The following XYLT1 variants were observed in gnomAD, a reference collection of about 807,000 sequenced individuals.
XYLT1 encodes the protein xylosyltransferase 1, also known as beta-D-xylosyltransferase 1.
In XYLT1, 36 loss-of-function variants were observed where a neutral mutation model predicts 91.3. The ratio of observed to expected loss-of-function variants is 0.39; its 90% CI spans 0.30 to 0.52. XYLT1 has a LOEUF of 0.52. XYLT1 is among the 20% of genes least tolerant of loss of function. XYLT1 has a pLI of 0.68. For synonymous variants in XYLT1, 588 were observed against 532.0 expected (o/e 1.11, Z -1.45); for missense variants, 1,242 against 1,284.5 (o/e 0.97, Z 0.51).
At chr16:17,406,873 G>C (rs914773781) in intron 1 of XYLT1, among the ~76,000 whole-genome samples, 1 of 152,180 alleles carries the variant, frequency 6.6e-6, no homozygotes, top group Non-Finnish European at 1.5e-5. Context: ...ATGAGGCCCT[G>C]GGTTGGGTGT....
chr16:17,160,393 T>C (rs542190656), intron 5 of XYLT1, among the ~76,000 whole-genome samples: 1 of 152,308 alleles, frequency 6.6e-6, no homozygotes, highest in East Asian at 1.9e-4. Context: ...CCTGCGCCTC[T>C]GCAGTCTCGC....
At chr16:17,435,279 C>T (rs1173340374) in intron 1 of XYLT1, among the ~76,000 whole-genome samples, 1 of 152,144 alleles carries the variant, frequency 6.6e-6, no homozygotes, top group Non-Finnish European at 1.5e-5. Flanking sequence ...AAATAGACTC[C>T]AAAGCAGAAA....
intron 1 of XYLT1, among the ~76,000 whole-genome samples, chr16:17,425,817 C>A (rs1292282266): frequency 1.3e-5 from 2 of 152,144 alleles, no homozygotes; most frequent in Non-Finnish European, 1.5e-5. Context: ...CTACCAAATA[C>A]CTTAAATACA....
intron 1 of XYLT1, among the ~76,000 whole-genome samples, chr16:17,407,084 C>A (rs981734878): frequency 2.0e-5 from 3 of 152,178 alleles, no homozygotes; most frequent in Non-Finnish European, 2.9e-5. Context: ...TCACTGCAAC[C>A]TCTGCCTCCG....
chr16:17,422,709 T>C (rs566588085), intron 1 of XYLT1, among the ~76,000 whole-genome samples: 3 of 152,296 alleles, frequency 2.0e-5, no homozygotes, highest in South Asian at 2.1e-4. Flanking sequence ...GGTTTCACCA[T>C]GTTGGCAAGG....
chr16:17,281,744 C>T (rs1365177275), intron 2 of XYLT1, among the ~76,000 whole-genome samples: 2 of 152,192 alleles, frequency 1.3e-5, no homozygotes, highest in Non-Finnish European at 2.9e-5. Flanking sequence ...CAATCATTTC[C>T]TCCCTGGATG....
chr16:17,202,887 G>T (rs1232712917), intron 3 of XYLT1, among the ~76,000 whole-genome samples: 2 of 151,984 alleles, frequency 1.3e-5, no homozygotes, highest in Admixed American at 1.3e-4. Flanking sequence ...AAAAGTTACA[G>T]GAAGGCACAT....
chr16:17,467,522 T>G (rs2036914196), intron 1 of XYLT1, among the ~76,000 whole-genome samples: 1 of 152,174 alleles, frequency 6.6e-6, no homozygotes, highest in South Asian at 2.1e-4. Flanking sequence ...ATTCTAATAT[T>G]TAAGAGCTTT....
chr16:17,257,585 G>A (rs556687101), intron 3 of XYLT1, among the ~76,000 whole-genome samples: 1 of 152,250 alleles, frequency 6.6e-6, no homozygotes, highest in South Asian at 2.1e-4. Context: ...GAGGGAAGGG[G>A]GCGTGCCCTA....
intron 3 of XYLT1, among the ~76,000 whole-genome samples, chr16:17,238,967 G>A (rs1414409293): frequency 6.6e-6 from 1 of 152,192 alleles, no homozygotes; most frequent in Non-Finnish European, 1.5e-5. Flanking sequence ...TTCAGTCAGT[G>A]ATAGCAACAC....
intron 2 of XYLT1, among the ~76,000 whole-genome samples, chr16:17,349,639 G>C (rs1237589864): frequency 1.3e-5 from 2 of 151,154 alleles, no homozygotes; most frequent in African/African-American, 4.9e-5. Flanking sequence ...TAACCTCTTT[G>C]CGCCTCAGTT....
intron 2 of XYLT1, among the ~76,000 whole-genome samples, chr16:17,299,494 T>G (rs981944496): frequency 1.3e-5 from 2 of 152,212 alleles, no homozygotes; most frequent in African/African-American, 4.8e-5. Flanking sequence ...TCAGATGATA[T>G]TAATAGTGCA....
At chr16:17,412,268 C>A (rs1235391703) in intron 1 of XYLT1, among the ~76,000 whole-genome samples, 1 of 151,888 alleles carries the variant, frequency 6.6e-6, no homozygotes, top group African/African-American at 2.4e-5. Context: ...ATGATTCACA[C>A]GAGAAACTAG....
chr16:17,448,398 C>G (rs1217232592), intron 1 of XYLT1, among the ~76,000 whole-genome samples: 1 of 152,086 alleles, frequency 6.6e-6, no homozygotes, highest in Non-Finnish European at 1.5e-5. Context: ...TGGCTGTGAG[C>G]CTGGGCGACA....
intron 9 of XYLT1, among the ~76,000 whole-genome samples, chr16:17,131,808 T>TGTTTCCCCA (rs1470193922): frequency 6.6e-6 from 1 of 152,266 alleles, no homozygotes; most frequent in Non-Finnish European, 1.5e-5. Flanking sequence ...TTTCACTTGC[T>TGTTTCCCCA]GTTTCCCCAC....
intron 6 of XYLT1, among the ~76,000 whole-genome samples, chr16:17,147,539 A>G (rs1480492742): frequency 6.6e-6 from 1 of 152,214 alleles, no homozygotes; most frequent in Admixed American, 6.5e-5. Flanking sequence ...GGATTGGGAG[A>G]TGGGTTGCTG....
chr16:17,311,676 C>T lies in XYLT1; in HGVS notation c.402+46336G>A, dbSNP rs189695999. 5.9e-5 allele frequency among the ~76,000 whole-genome samples: 9 copies of T among 152,192 alleles called. No individual in the cohort carries two copies. In the East Asian group the frequency reaches 1.7e-3, roughly 29 times the overall value. Reference sequence around the variant, plus strand: ...TTAGGCAGTAAAAAGTTTCCTTTCCCCCTTGTGTGTATTAGTCTGTTTTCA... The same window carrying T: ...TTAGGCAGTAAAAAGTTTCCTTTCCTCCTTGTGTGTATTAGTCTGTTTTCA... On this transcript the variant is annotated intron_variant, in intron 2 of 11. Transcript: ENST00000261381.
At chr16:17,332,222 T>C (rs557593438) in intron 2 of XYLT1, among the ~76,000 whole-genome samples, 10 of 152,168 alleles carry the variant, frequency 6.6e-5, no homozygotes, top group Non-Finnish European at 8.8e-5. Context: ...GTTATCCCCA[T>C]AGGGTGGGAA....
intron 3 of XYLT1, among the ~76,000 whole-genome samples, chr16:17,253,823 TGAGAGA>T (rs3060128): frequency 0.013 from 1,510 of 114,840 alleles, 23 homozygotes; most frequent in African/African-American, 0.035. Context: ...CCTTGCAACT[TGAGAGA>T]GAGAGAGAGA....
Sources: allele counts gnomAD v4.1 joint callset (sites outside exome capture counted in the v4.1 genomes callset), GRCh38; gene constraint gnomAD v4.1.1; transcripts MANE v1.5; gene names NCBI Gene and HGNC (gene_info 2026-07-23, HGNC 2026-07-21).